The following KLHL38 variants were observed in gnomAD, a reference collection of about 807,000 sequenced individuals.
The protein encoded by KLHL38 is kelch like family member 38.
Under a neutral mutation model 39.6 loss-of-function variants are expected in KLHL38, and 38 were observed. The ratio of observed to expected loss-of-function variants is 0.96; its 90% CI spans 0.74 to 1.26. The LOEUF is 1.26. KLHL38 is among the 50% of genes most tolerant of loss of function. The probability of loss-of-function intolerance (pLI) is 0.00; values close to 1 mark genes in which losing one functional copy is unlikely to be tolerated. For missense variants in KLHL38, 803 were observed against 748.1 expected, an observed-to-expected ratio of 1.07 and a Z score of -0.86; for synonymous variants, 322 against 302.2, an observed-to-expected ratio of 1.07 and a Z score of -0.68.
intron 2 of KLHL38, among the ~76,000 whole-genome samples, chr8:123,649,237 A>C (rs1424617274): frequency 6.6e-6 from 1 of 152,126 alleles, no homozygotes; most frequent in Non-Finnish European, 1.5e-5. Flanking sequence ...CCAGCTTGAC[A>C]TGGAAGCACT....
intron 2 of KLHL38, among the ~76,000 whole-genome samples, chr8:123,647,321 G>A (rs1331609075): frequency 2.1e-4 from 32 of 152,124 alleles, no homozygotes. Flanking sequence ...TTCTTTTAAT[G>A]AGAAATGAAG....
intron 2 of KLHL38, among the ~76,000 whole-genome samples, chr8:123,650,526 T>A (rs1156740506): frequency 6.6e-6 from 1 of 152,130 alleles, no homozygotes. Context: ...CCCTTCACAA[T>A]GGTTGATGTT....
At chr8:123,653,065 T>C (rs761445597) in intron 1 of KLHL38, 138 bp from the exon 2 acceptor site, 9 of 852,772 alleles carry the variant, frequency 1.1e-5, no homozygotes, top group South Asian at 3.7e-5. Context: ...GATGTCACCA[T>C]GGATATTGTG....
At chr8:123,651,010 T>A (rs11994199) in intron 2 of KLHL38, among the ~76,000 whole-genome samples, 3 of 152,088 alleles carry the variant, frequency 2.0e-5, no homozygotes, top group African/African-American at 4.8e-5. Context: ...ATATATATTT[T>A]TCTCATCAAA....
chr8:123,649,469 A>C (rs1041579277), intron 2 of KLHL38, among the ~76,000 whole-genome samples: 1 of 152,206 alleles, frequency 6.6e-6, no homozygotes, highest in Non-Finnish European at 1.5e-5. Context: ...CTGGAACTCT[A>C]GAAGAGTCTC....
At chr8:123,651,522 G>A in intron 2 of KLHL38, 55 bp downstream of exon 2, 3 of 1,503,300 alleles carry the variant, frequency 2.0e-6, no homozygotes, top group Non-Finnish European at 2.7e-6. Flanking sequence ...AGGTGTGGGT[G>A]TGTCCAAGCA....
In KLHL38 at chr8:123,653,703, G is replaced by T. The variant is rs536776701; in HGVS notation, c.-119C>A. 5.3e-5 allele frequency among the ~76,000 whole-genome samples: 8 copies of T among 152,332 alleles called. No individual in the cohort carries two copies. In the South Asian group the frequency reaches 6.2e-4, roughly 12 times the overall value. ...CAGGCCTTTCTTTCAGTTGGCAAAT[G>T]ATTTGTCCTGGGAGATTTCTGGATT... is the stretch of plus-strand genomic sequence containing the variant. On this transcript the variant is annotated 5_prime_UTR_variant, in exon 1 of 4. Coordinates refer to ENST00000684634, the MANE Select transcript of KLHL38 (RefSeq NM_001081675.3).
At position 123,652,537 on chromosome 8, in the gene KLHL38, C is replaced by G; in HGVS notation, c.390G>C (p.Gln130His). 1 of 1,614,228 alleles carries G rather than the reference C, an allele frequency of 6.2e-7. No individual in the cohort carries two copies. The highest frequency in any genetic ancestry group is 8.5e-7 in the Non-Finnish European group (1 of 1,180,048). Residue 130 changes from glutamine to histidine, a missense_variant, in exon 2 of 4, where the codon CAG becomes CAC. Coordinates refer to ENST00000684634, the MANE Select transcript of KLHL38 (RefSeq NM_001081675.3). ...TACCCAGGCAGTTGCTGGGGGCCAACTGGCTCTGCAAGTACGAGGAGCAGG... is the reference window on the plus strand; with the variant it reads ...TACCCAGGCAGTTGCTGGGGGCCAAGTGGCTCTGCAAGTACGAGGAGCAGG... ...FEACSSYLQS[Q>H]LAPSNCLGMI...
intron 2 of KLHL38, 109 bp from the exon 3 acceptor site, chr8:123,647,123 C>CT: frequency 1.5e-6 from 1 of 676,994 alleles, no homozygotes; most frequent in South Asian, 1.8e-5. Flanking sequence ...TTTCTGTCTG[C>CT]TTTTTTCCAG....
intron 2 of KLHL38, among the ~76,000 whole-genome samples, chr8:123,651,304 ATG>A (rs1345692667): frequency 1.5e-4 from 23 of 152,194 alleles, no homozygotes; most frequent in Admixed American, 1.1e-3. Flanking sequence ...TGAATTGTAT[ATG>A]TGTATGCATG....
Position 123,651,730 on chromosome 8 carries a change from G to T in KLHL38, c.1197C>A (p.Gly399=). Residue 399 remains glycine, a synonymous_variant, in exon 2 of 4, where the codon GGC becomes GGA. Coordinates refer to ENST00000684634, the MANE Select transcript of KLHL38 (RefSeq NM_001081675.3). ...AGATGCTGTCATACCTTTCCATGGA[G>T]CCCATGAGCTCCTGCCCTTCTCCAA... ...GGIGEGQELM[G]SMERYDSICN... is the part of the protein sequence containing the mutation. 1 of 1,614,188 alleles carries T rather than the reference G, an allele frequency of 6.2e-7. No homozygotes were observed. Among genetic ancestry groups the T allele is most frequent in the Non-Finnish European group, 8.5e-7 (1 of 1,180,042 alleles).
At position 123,652,501 on chromosome 8, in the gene KLHL38, G is replaced by C; in HGVS notation, c.426C>G (p.Leu142=). ...APSNCLGMIR[L]SEILSCETLK... is the part of the protein sequence containing the mutation. ...GGGTCTCGCAGCTTAAGATTTCTGA[G>C]AGTCTGATCATACCCAGGCAGTTGC... Residue 142 remains leucine, a synonymous_variant, in exon 2 of 4, where the codon CTC becomes CTG. Transcript: ENST00000684634. The C allele has an allele frequency of 6.2e-7, 1 of 1,614,220 alleles. No homozygotes were observed. The highest frequency in any genetic ancestry group is 1.1e-5 in the South Asian group (1 of 91,084).
chr8:123,649,368 A>G (rs1297900614), intron 2 of KLHL38, among the ~76,000 whole-genome samples: 6 of 152,080 alleles, frequency 3.9e-5, no homozygotes, highest in Admixed American at 3.9e-4. Flanking sequence ...CTGGATGGTC[A>G]GGGAGGAGCT....
At chr8:123,651,004 A>C (rs1254624439) in intron 2 of KLHL38, among the ~76,000 whole-genome samples, 2 of 152,166 alleles carry the variant, frequency 1.3e-5, no homozygotes, top group Non-Finnish European at 2.9e-5. Flanking sequence ...TTTTAGATAT[A>C]TATTTTTCTC....
In KLHL38 at chr8:123,652,597, G is replaced by A. The variant is rs1413734202; in HGVS notation, c.330C>T (p.Ala110=). 5.6e-6 allele frequency: 9 copies of A among 1,614,148 alleles called. No homozygotes were observed. The highest frequency in any genetic ancestry group is 5.0e-5 in the Admixed American group (3 of 60,026). Residue 110 remains alanine, a synonymous_variant, in exon 2 of 4, where the codon GCC becomes GCT. Transcript: ENST00000684634. ...ATDNVLPVME[A]ASMLQFPKLF... ...GCTTGGGGAACTGTAGCATGGAGGC[G>A]GCCTCCATCACGGGGAGGACATTGT...
At chr8:123,648,887 A>G (rs1358767458) in intron 2 of KLHL38, among the ~76,000 whole-genome samples, 1 of 152,224 alleles carries the variant, frequency 6.6e-6, no homozygotes, top group Non-Finnish European at 1.5e-5. Context: ...TGAAAATCCA[A>G]CCTGCTCCAT....
In KLHL38 at chr8:123,652,107, A is replaced by G. The variant is rs1461779359; in HGVS notation, c.820T>C (p.Leu274=). 1.2e-6 allele frequency: 2 copies of G among 1,614,184 alleles called. No individual in the cohort carries two copies. The highest frequency in any genetic ancestry group is 1.7e-5 in the Admixed American group (1 of 60,028). ...TAAGAGTTTCTTGGAGGGACATGCA[A>G]CAGGAGTTTGCAGTCTGGGACGGTG... ...GTTVPDCKLL[L]HVPPRNSYQD... Residue 274 remains leucine (L), a synonymous_variant, in exon 2 of 4, where the codon TTG becomes CTG. Transcript: ENST00000684634.
At chr8:123,648,832 A>G (rs1448194027) in intron 2 of KLHL38, among the ~76,000 whole-genome samples, 3 of 152,250 alleles carry the variant, frequency 2.0e-5, no homozygotes, top group Non-Finnish European at 4.4e-5. Context: ...AAGAACGCAC[A>G]CACACAGATG....
rs1286869753 is a variant in KLHL38, at chr8:123,652,838, C to T, written c.89G>A (p.Ser30Asn). Residue 30 changes from serine (S) to asparagine (N), a missense_variant, in exon 2 of 4, where the codon AGC (serine) becomes AAC (asparagine). Transcript: ENST00000684634. ...GATGCTCACATCAGTCAGGATCCTG[C>T]TTTGCCTTAAGCTGTTGAGCTGCCT... ...LLRQLNSLRQ[S>N]RILTDVSICA... 3.1e-6 allele frequency: 5 copies of T among 1,611,522 alleles called. No homozygotes were observed. The East Asian group carries it at 8.9e-5, about 29-fold the overall frequency.
Sources: gnomAD v4.1 joint callset for allele counts (sites outside exome capture counted in the v4.1 genomes callset) on GRCh38, gnomAD v4.1.1 for gene constraint, MANE v1.5 for transcripts, NCBI Gene and HGNC (gene_info 2026-07-23, HGNC 2026-07-21) for gene names.